The following THSD7B variants were observed in gnomAD, a reference collection of about 807,000 sequenced individuals.
THSD7B encodes the protein thrombospondin type-1 domain-containing protein 7B.
Under a neutral mutation model 213.6 loss-of-function variants are expected in THSD7B, and 138 were observed. That is an observed-to-expected ratio of 0.65 (90% CI 0.56 to 0.74). THSD7B has a LOEUF of 0.74. Ranked by LOEUF, THSD7B falls within the 30% of genes least tolerant of loss-of-function variation. The pLI, the probability that THSD7B is intolerant of heterozygous loss-of-function variation, is 0.00. For synonymous variants in THSD7B, 742 were observed against 687.0 expected, an observed-to-expected ratio of 1.08 and a Z score of -1.25; for missense variants, 1,931 against 1,991.5, an observed-to-expected ratio of 0.97 and a Z score of 0.58.
chr2:136,791,428 G>A (rs936802645), intron 1 of THSD7B, among the ~76,000 whole-genome samples: 1 of 151,834 alleles, frequency 6.6e-6, no homozygotes. Flanking sequence ...ATGGTGTTTA[G>A]TATATATATG....
At chr2:137,370,763 C>T (rs1573989425) in intron 12 of THSD7B, among the ~76,000 whole-genome samples, 2 of 152,150 alleles carry the variant, frequency 1.3e-5, no homozygotes, top group Non-Finnish European at 2.9e-5. Context: ...GCCACCGTGC[C>T]CAGCCCTTAA....
intron 17 of THSD7B, among the ~76,000 whole-genome samples, chr2:137,585,955 T>G (rs1017221818): frequency 7.2e-5 from 11 of 152,170 alleles, no homozygotes; most frequent in African/African-American, 2.7e-4. Flanking sequence ...CTCCCATTAT[T>G]ATTGTGTGGG....
At chr2:136,960,050 A>C (rs11898129) in intron 2 of THSD7B, among the ~76,000 whole-genome samples, 11,288 of 152,252 alleles carry the variant, frequency 0.074, 677 homozygotes, top group African/African-American at 0.16. Context: ...AAGCAAATGA[A>C]CCATTTGTGT....
chr2:137,301,586 A>G (rs1466300973), intron 12 of THSD7B, among the ~76,000 whole-genome samples: 1 of 151,714 alleles, frequency 6.6e-6, no homozygotes, highest in African/African-American at 2.4e-5. Flanking sequence ...ATATATTTCA[A>G]TGTTAATATA....
intron 2 of THSD7B, among the ~76,000 whole-genome samples, chr2:136,910,336 T>C (rs1684236670): frequency 6.6e-6 from 1 of 152,186 alleles, no homozygotes. Flanking sequence ...GGTAGTGGCA[T>C]ACTGGGTAGT....
intron 2 of THSD7B, among the ~76,000 whole-genome samples, chr2:136,923,093 G>A (rs891247783): frequency 2.0e-5 from 3 of 151,970 alleles, no homozygotes; most frequent in Admixed American, 1.3e-4. Flanking sequence ...TATTATACCC[G>A]TTAAACACTA....
intron 12 of THSD7B, among the ~76,000 whole-genome samples, chr2:137,324,693 T>C (rs1041537032): frequency 2.6e-5 from 4 of 152,212 alleles, no homozygotes; most frequent in Non-Finnish European, 5.9e-5. Flanking sequence ...AAAGTGTATA[T>C]TTCTAGAGAA....
chr2:136,861,514 C>T (rs528958310), intron 1 of THSD7B, among the ~76,000 whole-genome samples: 1 of 152,298 alleles, frequency 6.6e-6, no homozygotes, highest in East Asian at 1.9e-4. Context: ...CAAGGACTTG[C>T]CCTGAGTCAC....
intron 15 of THSD7B, among the ~76,000 whole-genome samples, chr2:137,464,937 T>C (rs146980972): frequency 6.6e-6 from 1 of 152,138 alleles, no homozygotes; most frequent in Non-Finnish European, 1.5e-5. Context: ...CTCTCTGCAA[T>C]CTTATGTGGT....
At position 137,082,723 on chromosome 2, in the gene THSD7B, G is replaced by A. The variant is rs114081333; in HGVS notation, c.951-12150G>A. ...GCTGATATTGCTTATATCTCTAACC[G>A]GTTGTACACACATCCACAACTATGT... is the stretch of plus-strand genomic sequence containing the variant. On this transcript the variant is annotated intron_variant, in intron 3 of 27. Transcript: ENST00000409968. Among the ~76,000 whole-genome samples, 503 of 151,990 alleles carry A rather than the reference G, an allele frequency of 3.3e-3. 3 individuals carry two copies. Among genetic ancestry groups the A allele is most frequent in the African/African-American group, 0.011 (456 of 41,468 alleles).
Position 137,388,038 on chromosome 2 carries a change from T to C in THSD7B, c.2501-17575T>C, listed in dbSNP as rs79166146. ...CAGCAGACTGCTAACCTCAACATTATCATGTAAGAGAGACTCTAGTAATAC... is the reference window on the plus strand; with the variant it reads ...CAGCAGACTGCTAACCTCAACATTACCATGTAAGAGAGACTCTAGTAATAC... On this transcript the variant is annotated intron_variant, in intron 12 of 27. Coordinates refer to ENST00000409968, the MANE Select transcript of THSD7B (RefSeq NM_001316349.2). Among the ~76,000 whole-genome samples the C allele has an allele frequency of 6.2e-3, 944 of 152,274 alleles. 11 individuals carry two copies. The highest frequency in any genetic ancestry group is 0.022 in the African/African-American group (916 of 41,546).
At chr2:137,168,304 T>C (rs1680175374) in intron 6 of THSD7B, among the ~76,000 whole-genome samples, 1 of 152,176 alleles carries the variant, frequency 6.6e-6, no homozygotes, top group African/African-American at 2.4e-5. Context: ...ACTCAATAAA[T>C]GAAAGTGATT....
At position 137,556,700 on chromosome 2, in the gene THSD7B, C is replaced by A. The variant is rs377471688; in HGVS notation, c.3139-6521C>A. Among the ~76,000 whole-genome samples the A allele has an allele frequency of 4.3e-4, 66 of 152,222 alleles. No homozygotes were observed. In the South Asian group the frequency reaches 5.2e-3, roughly 12 times the overall value. Reference sequence around the variant, plus strand: ...CAAATTCAACACATAACAATATTAACCTTAAATGTAAATGGGCTAAATGCT... The same window carrying A: ...CAAATTCAACACATAACAATATTAAACTTAAATGTAAATGGGCTAAATGCT... On this transcript the variant is annotated intron_variant, in intron 15 of 27. Coordinates refer to ENST00000409968, the MANE Select transcript of THSD7B (RefSeq NM_001316349.2).
At chr2:137,274,581 T>G (rs2104809466) in intron 11 of THSD7B, among the ~76,000 whole-genome samples, 1 of 152,170 alleles carries the variant, frequency 6.6e-6, no homozygotes, top group African/African-American at 2.4e-5. Context: ...GCCTGGTTTT[T>G]GAAAGTTTAA....
rs373674528 is a variant in THSD7B at position 137,000,739 on chromosome 2, A to G, written c.140-55681A>G. ...TTACAATCAAATAAGACTTCACATA[A>G]AAGTGTGAAATTAAGCCAAAGTAAA... On this transcript the variant is annotated intron_variant, in intron 2 of 27. Transcript: ENST00000409968. 1.1e-3 allele frequency among the ~76,000 whole-genome samples: 170 copies of G among 152,274 alleles called. 10 individuals are homozygous for G. The South Asian group carries it at 0.035, about 31-fold the overall frequency.
At chr2:137,569,074 A>G (rs1024599944) in intron 16 of THSD7B, among the ~76,000 whole-genome samples, 4 of 152,192 alleles carry the variant, frequency 2.6e-5, no homozygotes, top group African/African-American at 9.7e-5. Context: ...GAGGTAAGAA[A>G]GGGTGGAAGA....
At chr2:137,145,256 A>G (rs1366193778) in intron 5 of THSD7B, among the ~76,000 whole-genome samples, 1 of 152,218 alleles carries the variant, frequency 6.6e-6, no homozygotes, top group East Asian at 1.9e-4. Context: ...GACAATGAAT[A>G]TTAAGAAGAG....
intron 1 of THSD7B, among the ~76,000 whole-genome samples, chr2:136,860,136 G>A (rs1357577231): frequency 2.0e-5 from 3 of 149,190 alleles, no homozygotes; most frequent in African/African-American, 7.4e-5. Context: ...TCCTGCCTCA[G>A]CCTCCCGAGT....
At chr2:137,095,208 T>C in intron 4 of THSD7B, 87 bp downstream of exon 4, 1 of 1,518,964 alleles carries the variant, frequency 6.6e-7, no homozygotes, top group African/African-American at 1.4e-5. Context: ...TAGCTGTGAC[T>C]CATATTTATT....
Sources: gnomAD v4.1 joint callset for allele counts (sites outside exome capture counted in the v4.1 genomes callset) on GRCh38, gnomAD v4.1.1 for gene constraint, MANE v1.5 for transcripts, NCBI Gene and HGNC (gene_info 2026-07-23, HGNC 2026-07-21) for gene names.